Variants in ZNF654 observed in about 807,000 individuals in gnomAD.
ZNF654 encodes melanoma-associated antigen.
A neutral mutation model predicts 95.3 loss-of-function variants in ZNF654; 19 were observed. The ratio of observed to expected loss-of-function variants is 0.20; its 90% CI spans 0.14 to 0.29. ZNF654 has a LOEUF of 0.29. ZNF654 is among the 10% of genes least tolerant of loss of function. The pLI is 1.00. For missense variants in ZNF654, 1,046 were observed against 1,341.0 expected (o/e 0.78, Z 3.44); for synonymous variants, 413 against 457.9 (o/e 0.90, Z 1.25).
At chr3:88,090,136 T>C (rs1708556500) in intron 2 of ZNF654, among the ~76,000 whole-genome samples, 1 of 152,288 alleles carries the variant, frequency 6.6e-6, no homozygotes, top group South Asian at 2.1e-4. Context: ...TATTTTAGAG[T>C]GTACCTCTTC....
At chr3:88,088,317 C>T (rs1708441915) in intron 2 of ZNF654, among the ~76,000 whole-genome samples, 1 of 151,732 alleles carries the variant, frequency 6.6e-6, no homozygotes, top group African/African-American at 2.4e-5. Flanking sequence ...TTAAAAATGC[C>T]TTCAATATGA....
intron 1 of ZNF654, among the ~76,000 whole-genome samples, chr3:88,060,914 G>C (rs1280159952): frequency 6.6e-6 from 1 of 152,074 alleles, no homozygotes; most frequent in East Asian, 1.9e-4. Flanking sequence ...ATTGCCTTTT[G>C]ATTTAATGTT....
intron 2 of ZNF654, among the ~76,000 whole-genome samples, chr3:88,103,445 A>G (rs1414584545): frequency 6.6e-6 from 1 of 152,206 alleles, no homozygotes; most frequent in Non-Finnish European, 1.5e-5. Flanking sequence ...CCAAACTAAA[A>G]GGCAAGGAGA....
intron 2 of ZNF654, among the ~76,000 whole-genome samples, chr3:88,088,775 T>TGGAC (rs1221072857): frequency 2.0e-5 from 3 of 151,650 alleles, no homozygotes; most frequent in Non-Finnish European, 4.4e-5. Context: ...GATGGATGGA[T>TGGAC]GGATGGATGG....
intron 3 of ZNF654, among the ~76,000 whole-genome samples, chr3:88,116,905 G>A (rs889660680): frequency 2.6e-5 from 4 of 152,128 alleles, no homozygotes; most frequent in Non-Finnish European, 4.4e-5. Flanking sequence ...ACAGTTCTCT[G>A]TTCTAGATGT....
chr3:88,120,787 T>C (rs1183334645), intron 3 of ZNF654, among the ~76,000 whole-genome samples: 1 of 130,182 alleles, frequency 7.7e-6, no homozygotes, highest in East Asian at 2.3e-4. Context: ...TGTTTTAAAT[T>C]CAACAGTATA....
chr3:88,074,025 G>A (rs925603556), intron 1 of ZNF654, among the ~76,000 whole-genome samples: 3 of 152,066 alleles, frequency 2.0e-5, no homozygotes, highest in Non-Finnish European at 2.9e-5. Flanking sequence ...GTTTTAATTT[G>A]AGGTTTTAAT....
intron 1 of ZNF654, among the ~76,000 whole-genome samples, chr3:88,073,597 G>A (rs917486186): frequency 9.2e-5 from 14 of 152,126 alleles, no homozygotes; most frequent in African/African-American, 3.4e-4. Flanking sequence ...TGGAGACAAG[G>A]CACCAAAGAA....
chr3:88,095,699 T>C (rs1055931175), intron 2 of ZNF654: 17 of 405,926 alleles, frequency 4.2e-5, no homozygotes, highest in African/African-American at 1.1e-4. Context: ...GTTTGAGAAA[T>C]TGGATTTCTT....
rs74873905 is a variant in ZNF654, at chr3:88,144,187, C to T, written c.*2535C>T. 618 of 152,312 alleles carry T rather than the reference C, an allele frequency of 4.1e-3. 3 individuals carry two copies. The highest frequency in any genetic ancestry group is 5.8e-3 in the Non-Finnish European group (394 of 67,766). The allele number at this position is 152,312 out of a possible 1,614,324, so 9.4% of individuals were successfully genotyped here. On this transcript the variant is annotated 3_prime_UTR_variant, in exon 9 of 9. Coordinates refer to ENST00000636215, the MANE Select transcript of ZNF654 (RefSeq NM_001350134.2). ...TGGAGGAGGTAAAAAGGGGAATCTC[C>T]GTGGACAAGGACACTGGTACTTTGG...
chr3:88,065,942 G>T (rs923241249), intron 1 of ZNF654, among the ~76,000 whole-genome samples: 10 of 152,082 alleles, frequency 6.6e-5, no homozygotes, highest in East Asian at 1.9e-4. Flanking sequence ...ACCATGATCT[G>T]CAGGCTGGTC....
At chr3:88,074,581 A>T (rs1405039829) in intron 1 of ZNF654, among the ~76,000 whole-genome samples, 1 of 152,006 alleles carries the variant, frequency 6.6e-6, no homozygotes, top group Non-Finnish European at 1.5e-5. Flanking sequence ...ACCTCAAGTG[A>T]TCCGCCTGCC....
At chr3:88,065,429 C>A (rs552870386) in intron 1 of ZNF654, among the ~76,000 whole-genome samples, 1 of 152,116 alleles carries the variant, frequency 6.6e-6, no homozygotes, top group East Asian at 1.9e-4. Flanking sequence ...ATAATGTAAT[C>A]CTATGTCCCT....
chr3:88,122,160 T>C (rs1056470480), intron 3 of ZNF654, among the ~76,000 whole-genome samples: 1 of 152,086 alleles, frequency 6.6e-6, no homozygotes, highest in African/African-American at 2.4e-5. Flanking sequence ...AAAGTGGGAT[T>C]GTGTAAAGAT....
intron 2 of ZNF654, among the ~76,000 whole-genome samples, chr3:88,110,729 A>G (rs1237312184): frequency 6.6e-6 from 1 of 152,108 alleles, no homozygotes; most frequent in South Asian, 2.1e-4. Flanking sequence ...TTAGTTGACT[A>G]TTTATACAGT....
intron 1 of ZNF654, among the ~76,000 whole-genome samples, chr3:88,077,334 G>GTT (rs1211322878): frequency 7.0e-6 from 1 of 143,162 alleles, no homozygotes; most frequent in African/African-American, 2.8e-5. Flanking sequence ...GACTTAAATT[G>GTT]TTTTTTTTTT....
intron 1 of ZNF654, among the ~76,000 whole-genome samples, chr3:88,081,035 C>G (rs1162774047): frequency 2.0e-5 from 3 of 152,106 alleles, no homozygotes; most frequent in East Asian, 1.9e-4. Flanking sequence ...GTAACAGTTC[C>G]TCAGCCTTTC....
intron 2 of ZNF654, among the ~76,000 whole-genome samples, chr3:88,105,957 C>T (rs1321311229): frequency 6.6e-6 from 1 of 152,164 alleles, no homozygotes; most frequent in African/African-American, 2.4e-5. Context: ...CCTCTTTTTG[C>T]TGCTTGGCCC....
chr3:88,095,493 A>G (rs1189551896), intron 2 of ZNF654: 1 of 439,470 alleles, frequency 2.3e-6, no homozygotes, highest in African/African-American at 2.1e-5. Context: ...AAATGCTGTC[A>G]TAATTTGTAG....
Sources: allele counts gnomAD v4.1 joint callset (sites outside exome capture counted in the v4.1 genomes callset), GRCh38; gene constraint gnomAD v4.1.1; transcripts MANE v1.5; gene names NCBI Gene and HGNC (gene_info 2026-07-23, HGNC 2026-07-21).